Variants in ASGR2 observed in about 807,000 individuals in gnomAD.
ASGR2 encodes the protein C-type lectin domain family 4 member H2.
In ASGR2, 34 loss-of-function variants were observed where a neutral mutation model predicts 32.3. That is an observed-to-expected ratio of 1.05 (90% CI 0.80 to 1.40). ASGR2 has a LOEUF of 1.40. Among genes scored for constraint, ASGR2 ranks in the 40% most tolerant of loss-of-function variants. ASGR2 has a pLI of 0.00. For missense variants in ASGR2, 385 were observed against 386.4 expected (o/e 1.00, Z 0.03); for synonymous variants, 143 against 150.0 (o/e 0.95, Z 0.34).
Position 7,108,635 on chromosome 17 carries a change from T to C in ASGR2, c.242-78A>G. The C allele has an allele frequency of 1.2e-6, 2 of 1,601,408 alleles. No individual in the cohort carries two copies. Among genetic ancestry groups the C allele is most frequent in the Non-Finnish European group, 1.7e-6 (2 of 1,171,892 alleles). On this transcript the variant is annotated intron_variant, in intron 3 of 8. Coordinates refer to ENST00000691900, the MANE Select transcript of ASGR2 (RefSeq NM_001201352.2). This position sits in a 1 kb window ranked among gnomAD's most constrained non-coding sequence, Gnocchi z 4.9. ...ACTGTCCATGTGACTGGCCCCTCAA[T>C]GTCCCCGCATTTGCCCCAGCTTGTG...
chr17:7,107,943 C>T lies in ASGR2; in HGVS notation c.338-36G>A. On this transcript the variant is annotated intron_variant, in intron 4 of 8. Transcript: ENST00000691900. This position sits in a 1 kb window ranked among gnomAD's most constrained non-coding sequence, Gnocchi z 5.0. ...AAAGCCAGCTGTTTCCCCGCTGAGC[C>T]TCCCTCCGTCCTCATGCTGCTGGGG... 1.2e-6 allele frequency: 2 copies of T among 1,612,272 alleles called. No individual in the cohort carries two copies. Among genetic ancestry groups the T allele is most frequent in the Non-Finnish European group, 8.5e-7 (1 of 1,179,234 alleles).
rs370822893 is a variant in ASGR2 at position 7,107,216 on chromosome 17, C to T, written c.496+15G>A. 7.4e-6 allele frequency: 12 copies of T among 1,614,180 alleles called. No homozygotes were observed. Among genetic ancestry groups the T allele is most frequent in the Admixed American group, 3.3e-5 (2 of 60,028 alleles). ...GGGGCAGGCACACTGGGCCTGGAGA[C>T]GGCCCCACCCCTACCGTTGCTGTGG... On this transcript the variant is annotated intron_variant, in intron 6 of 8. Transcript: ENST00000691900. The surrounding 1 kb of genome is among the most constrained non-coding windows in gnomAD (Gnocchi z 5.0).
At chr17:7,109,126 C>A (rs548907435) in intron 2 of ASGR2, among the ~76,000 whole-genome samples, 2 of 152,016 alleles carry the variant, frequency 1.3e-5, no homozygotes, top group African/African-American at 4.8e-5. Flanking sequence ...CACACACACC[C>A]ATGCACACGA....
At position 7,113,574 on chromosome 17, in the gene ASGR2, TACAC is replaced by T. The variant is rs993612140; in HGVS notation, c.124+539_124+542del. On this transcript the variant is annotated intron_variant, in intron 2 of 8. Transcript: ENST00000691900. This position sits in a 1 kb window ranked among gnomAD's most constrained non-coding sequence, Gnocchi z 5.1. ...ACATACACACAACATACACACAACA[TACAC>T]ACACTCACATACACAACATACACTC... Among the ~76,000 whole-genome samples the T allele has an allele frequency of 9.2e-5, 13 of 142,046 alleles. No individual in the cohort carries two copies. Among genetic ancestry groups the T allele is most frequent in the South Asian group, 2.3e-4 (1 of 4,436 alleles). 93.2% of individuals were successfully genotyped at this position (142,046 alleles called of 152,430 possible).
intron 2 of ASGR2, among the ~76,000 whole-genome samples, chr17:7,111,889 TTTAA>T (rs1206825828): frequency 6.8e-6 from 1 of 146,146 alleles, no homozygotes; most frequent in African/African-American, 2.5e-5. Context: ...AAAAAAAATT[TTTAA>T]TTAGCCAGGT....
chr17:7,107,123 G>C lies in ASGR2; in HGVS notation c.525C>G (p.Asn175Lys). 6.2e-7 allele frequency: 1 copy of C among 1,614,210 alleles called. No individual in the cohort carries two copies. Among genetic ancestry groups the C allele is most frequent in the Non-Finnish European group, 8.5e-7 (1 of 1,180,038 alleles). Reference sequence around the variant, plus strand: ...AGCAGCTGCCTTGGTGCTCCACCCAGTTGACGGGGCAGCAGGTCCTTTGGG... The same window carrying C: ...AGCAGCTGCCTTGGTGCTCCACCCACTTGACGGGGCAGCAGGTCCTTTGGG... ...NGSQRTCCPV[N>K]WVEHQGSCYW... is the part of the protein sequence containing the mutation. The change falls in exon 7 of 9, where the codon AAC (asparagine) becomes AAG (lysine). Residue 175 changes from asparagine (N) to lysine (K), a missense_variant. Asn to Lys is a moderately conservative substitution (Grantham distance 94). Coordinates refer to ENST00000691900, the MANE Select transcript of ASGR2 (RefSeq NM_001201352.2). This position sits in a 1 kb window ranked among gnomAD's most constrained non-coding sequence, Gnocchi z 5.0.
At chr17:7,109,388 C>T (rs1350459932) in intron 2 of ASGR2, among the ~76,000 whole-genome samples, 2 of 152,008 alleles carry the variant, frequency 1.3e-5, no homozygotes, top group African/African-American at 4.8e-5. Context: ...CTGTGTTCTT[C>T]CTAAAATCCA....
At position 7,114,391 on chromosome 17, in the gene ASGR2, G is replaced by C. The variant is rs911432763; in HGVS notation, c.-70-81C>G. On this transcript the variant is annotated intron_variant, in intron 1 of 8. Coordinates refer to ENST00000691900, the MANE Select transcript of ASGR2 (RefSeq NM_001201352.2). This position sits in a 1 kb window ranked among gnomAD's most constrained non-coding sequence, Gnocchi z 4.5. ...CGGAGGGGTTCGGGGTGGTGGCCTG[G>C]GTAGGATCTGAGGTTGGCAGGGCGT... 1.1e-4 allele frequency: 152 copies of C among 1,445,378 alleles called. No individual in the cohort carries two copies. The highest frequency in any genetic ancestry group is 1.3e-4 in the Non-Finnish European group (149 of 1,103,726). The allele number at this position is 1,445,378 out of a possible 1,614,324, so 89.5% of individuals were successfully genotyped here.
intron 2 of ASGR2, among the ~76,000 whole-genome samples, chr17:7,111,581 G>A (rs1000716696): frequency 1.2e-4 from 18 of 151,622 alleles, no homozygotes; most frequent in African/African-American, 3.1e-4. Context: ...GCATGAACCC[G>A]GGAGGCAGAG....
chr17:7,102,872 G>A (rs963241353), intron 7 of ASGR2, among the ~76,000 whole-genome samples: 3 of 152,162 alleles, frequency 2.0e-5, no homozygotes, highest in Admixed American at 6.5e-5. Flanking sequence ...GGAAGACACC[G>A]GGGTGTGAGG....
downstream of ASGR2, chr17:7,101,324 G>A (rs772119931): frequency 2.2e-6 from 1 of 458,366 alleles, no homozygotes; most frequent in Non-Finnish European, 3.9e-6. Context: ...GCCACACAGA[G>A]ATTCAAGCAT....
chr17:7,101,872 G>C (rs1203974720), intron 8 of ASGR2, 132 bp from the exon 9 acceptor site: 3 of 1,272,130 alleles, frequency 2.4e-6, no homozygotes, highest in Non-Finnish European at 3.2e-6. Context: ...ACCCAGTCTG[G>C]GGAGAACCCA....
chr17:7,112,137 T>C (rs980837250), intron 2 of ASGR2, among the ~76,000 whole-genome samples: 1 of 116,718 alleles, frequency 8.6e-6, no homozygotes, highest in Non-Finnish European at 1.8e-5. Flanking sequence ...AATAACTCTA[T>C]AAAATGAAAC....
At chr17:7,109,451 G>C (rs1316002813) in intron 2 of ASGR2, among the ~76,000 whole-genome samples, 1 of 152,000 alleles carries the variant, frequency 6.6e-6, no homozygotes, top group Non-Finnish European at 1.5e-5. Flanking sequence ...TTAAATCTGG[G>C]TCATTCCACC....
intron 2 of ASGR2, among the ~76,000 whole-genome samples, chr17:7,111,788 T>A (rs999494833): frequency 2.0e-4 from 30 of 149,882 alleles, no homozygotes; most frequent in African/African-American, 7.4e-4. Flanking sequence ...CTTTGGGAGG[T>A]CGACACGGGG....
chr17:7,115,125 G>T (rs35310447), upstream of ASGR2: 165,674 of 572,106 alleles, frequency 0.29, 24,148 homozygotes, highest in African/African-American at 0.37. This position sits in a 1 kb window ranked among gnomAD's most constrained non-coding sequence, Gnocchi z 4.2. Flanking sequence ...TGCCCAATCC[G>T]GCATCTGAAC....
At chr17:7,102,395 G>C (rs1189217791) in intron 7 of ASGR2, among the ~76,000 whole-genome samples, 199 bp from the exon 8 acceptor site, 1 of 152,152 alleles carries the variant, frequency 6.6e-6, no homozygotes, top group East Asian at 1.9e-4. Flanking sequence ...TGCTAGGCTA[G>C]ACTTCGTGCT....
At chr17:7,105,790 CAT>C (rs1491191239) in intron 7 of ASGR2, among the ~76,000 whole-genome samples, 3 of 93,784 alleles carry the variant, frequency 3.2e-5, no homozygotes, top group African/African-American at 9.4e-5. Flanking sequence ...TTTAAATTAG[CAT>C]TTTTTTTTTT....
chr17:7,101,720 G>C lies in ASGR2; in HGVS notation c.776C>G (p.Pro259Arg). The change falls in exon 9 of 9, where the codon CCA (proline) becomes CGA (arginine). Residue 259 changes from proline (P) to arginine (R), a missense_variant. Transcript: ENST00000691900. ...CAGCTCGTGCCCGTGCCAATTATCTGGCTGAGTGACAGCCCAGTTCCTAAG... is the reference window on the plus strand; with the variant it reads ...CAGCTCGTGCCCGTGCCAATTATCTCGCTGAGTGACAGCCCAGTTCCTAAG... ...HNYKNWAVTQ[P>R]DNWHGHELGG... 6.2e-7 allele frequency: 1 copy of C among 1,614,070 alleles called. No individual in the cohort carries two copies. The highest frequency in any genetic ancestry group is 1.1e-5 in the South Asian group (1 of 91,068).
Sources: allele counts gnomAD v4.1 joint callset (sites outside exome capture counted in the v4.1 genomes callset), GRCh38; gene constraint gnomAD v4.1.1; non-coding constraint Gnocchi (gnomAD v3.1); transcripts MANE v1.5; gene names NCBI Gene and HGNC (gene_info 2026-07-23, HGNC 2026-07-21).